LEF1: variants seen among roughly 807,000 people sequenced by gnomAD.
LEF1 encodes the protein lymphoid enhancer binding factor 1.
A neutral mutation model predicts 51.2 loss-of-function variants in LEF1; 14 were observed. The ratio of observed to expected loss-of-function variants is 0.27; its 90% CI spans 0.18 to 0.43. LEF1 has a LOEUF of 0.43. Ranked by LOEUF, LEF1 falls within the 20% of genes least tolerant of loss-of-function variation. The pLI, the probability that LEF1 is intolerant of heterozygous loss-of-function variation, is 1.00. For missense variants in LEF1, 386 were observed against 512.0 expected, an observed-to-expected ratio of 0.75 and a Z score of 2.37; for synonymous variants, 185 against 183.2, an observed-to-expected ratio of 1.01 and a Z score of -0.08.
intron 3 of LEF1, among the ~76,000 whole-genome samples, chr4:108,159,921 TAGAA>T (rs960166988): frequency 1.3e-5 from 2 of 152,192 alleles, no homozygotes; most frequent in African/African-American, 2.4e-5. Flanking sequence ...AATTGACTCT[TAGAA>T]AGATCACAAA....
At chr4:108,112,230 G>A (rs947580559) in intron 3 of LEF1, among the ~76,000 whole-genome samples, 3 of 152,192 alleles carry the variant, frequency 2.0e-5, no homozygotes, top group Non-Finnish European at 2.9e-5. Flanking sequence ...GATGGTTTTC[G>A]TGTGGTCAGA....
At chr4:108,122,428 C>A (rs549429295) in intron 3 of LEF1, among the ~76,000 whole-genome samples, 53 of 151,862 alleles carry the variant, frequency 3.5e-4, no homozygotes, top group African/African-American at 1.2e-3. Flanking sequence ...TTCTTCAGAT[C>A]CCTCGTTTCA....
chr4:108,077,890 AT>A lies in LEF1; in HGVS notation c.1008+329del, dbSNP rs796089476. 5.3e-5 allele frequency among the ~76,000 whole-genome samples: 8 copies of A among 152,290 alleles called. 1 individual carries two copies. The highest frequency in any genetic ancestry group is 1.7e-4 in the African/African-American group (7 of 41,568). The stretch of plus-strand genomic sequence containing the variant: ...AAAAGTTTTAAATTGGAAAAAAAAA[AT>A]TAGCCAGGCATGGTGGCACAACGAC... On this transcript the variant is annotated intron_variant, in intron 8 of 11. Coordinates refer to ENST00000265165, the MANE Select transcript of LEF1 (RefSeq NM_016269.5).
intron 3 of LEF1, among the ~76,000 whole-genome samples, chr4:108,105,199 G>A (rs893911034): frequency 2.3e-5 from 1 of 43,716 alleles, no homozygotes; most frequent in Admixed American, 2.3e-4. Flanking sequence ...TTTTTTTTTT[G>A]AGATGGAGTC....
At chr4:108,083,489 A>T (rs1344479816) in intron 4 of LEF1, 43 bp from the exon 5 acceptor site, 2 of 1,295,954 alleles carry the variant, frequency 1.5e-6, no homozygotes, top group Admixed American at 2.0e-5. Flanking sequence ...GATTCACAGG[A>T]TATTTAACCA....
chr4:108,131,548 C>T (rs186991395), intron 3 of LEF1, among the ~76,000 whole-genome samples: 2 of 152,250 alleles, frequency 1.3e-5, no homozygotes, highest in Non-Finnish European at 2.9e-5. Flanking sequence ...ACTCAAGCAA[C>T]AGCATCAAAG....
chr4:108,089,386 G>C (rs1244463593), intron 3 of LEF1, 129 bp from the exon 4 acceptor site: 5 of 908,418 alleles, frequency 5.5e-6, no homozygotes, highest in Non-Finnish European at 8.1e-6. Flanking sequence ...TTCAGACCTG[G>C]ACAGGTGGAA....
At chr4:108,092,929 A>AAC (rs1553952178) in intron 3 of LEF1, among the ~76,000 whole-genome samples, 2 of 140,792 alleles carry the variant, frequency 1.4e-5, no homozygotes, top group African/African-American at 5.2e-5. Context: ...AAAAAAAAAA[A>AAC]AAAAAAAAAA....
chr4:108,079,787 T>C (rs1447179312), intron 6 of LEF1, among the ~76,000 whole-genome samples, 173 bp from the exon 7 acceptor site: 2 of 152,082 alleles, frequency 1.3e-5, no homozygotes, highest in East Asian at 1.9e-4. Flanking sequence ...TTTCTTTCTA[T>C]ATTCGGGTGG....
chr4:108,151,026 C>T (rs984955983), intron 3 of LEF1, among the ~76,000 whole-genome samples: 8 of 152,214 alleles, frequency 5.3e-5, no homozygotes, highest in Non-Finnish European at 8.8e-5. Flanking sequence ...CAAAAAGATG[C>T]CCATAATGTA....
chr4:108,142,977 A>G (rs1743767397), intron 3 of LEF1, among the ~76,000 whole-genome samples: 1 of 152,236 alleles, frequency 6.6e-6, no homozygotes, highest in Non-Finnish European at 1.5e-5. Context: ...CCAAGTCTAC[A>G]AAGTTCTAAA....
intron 3 of LEF1, among the ~76,000 whole-genome samples, chr4:108,127,412 T>C (rs766023386): frequency 6.6e-6 from 1 of 152,206 alleles, no homozygotes; most frequent in Non-Finnish European, 1.5e-5. Flanking sequence ...TCACTGAAGC[T>C]GAATCTCATG....
intron 3 of LEF1, among the ~76,000 whole-genome samples, chr4:108,091,187 T>C (rs1739994179): frequency 6.6e-6 from 1 of 152,118 alleles, no homozygotes; most frequent in African/African-American, 2.4e-5. Flanking sequence ...AACTGCACAA[T>C]GTGAACTGCT....
intron 3 of LEF1, among the ~76,000 whole-genome samples, chr4:108,109,244 G>A (rs1279397150): frequency 6.6e-6 from 1 of 152,214 alleles, no homozygotes; most frequent in East Asian, 1.9e-4. Context: ...TTTTTAGCCT[G>A]AGCACTTCCT....
intron 3 of LEF1, among the ~76,000 whole-genome samples, chr4:108,134,352 C>T (rs761975644): frequency 7.9e-5 from 12 of 152,330 alleles, no homozygotes; most frequent in Middle Eastern, 3.4e-3. Flanking sequence ...TGCCTCCACA[C>T]GTCATACTTC....
Position 108,093,432 on chromosome 4 carries a change from A to C in LEF1, c.415-4175T>G, listed in dbSNP as rs546937050. ...GGGAGGGAAGGAGGGAGAGAGGGTA[A>C]AAATCACCTGCTTTTTGATTCACAG... On this transcript the variant is annotated intron_variant, in intron 3 of 11. Coordinates refer to ENST00000265165, the MANE Select transcript of LEF1 (RefSeq NM_016269.5). Among the ~76,000 whole-genome samples the C allele has an allele frequency of 3.3e-5, 5 of 152,276 alleles. No individual in the cohort carries two copies. In the East Asian group the frequency reaches 9.6e-4, roughly 29 times the overall value.
rs778858247 is a variant in LEF1 at position 108,048,652 on chromosome 4, C to T, written c.*106G>A. On this transcript the variant is annotated 3_prime_UTR_variant, in exon 12 of 12. Coordinates refer to ENST00000265165, the MANE Select transcript of LEF1 (RefSeq NM_016269.5). ...TTCCTTTGGGGTCGACTGGGCAGGC[C>T]GTGGAGACAGTCTGGGTTTTCAACA... The T allele has an allele frequency of 1.7e-5, 27 of 1,557,386 alleles. No individual in the cohort carries two copies. The highest frequency in any genetic ancestry group is 9.6e-5 in the South Asian group (8 of 83,190).
At chr4:108,164,406 T>C (rs529846649) in intron 2 of LEF1, among the ~76,000 whole-genome samples, 5 of 152,190 alleles carry the variant, frequency 3.3e-5, no homozygotes, top group Non-Finnish European at 7.4e-5. Context: ...GTAAAAACAC[T>C]TCATTTCAGT....
intron 6 of LEF1, among the ~76,000 whole-genome samples, chr4:108,081,360 G>A (rs1342174243): frequency 6.6e-6 from 1 of 152,130 alleles, no homozygotes; most frequent in African/African-American, 2.4e-5. Context: ...CAAGGAGGCT[G>A]AGTCCATCGC....
Sources: gnomAD v4.1 joint callset for allele counts (sites outside exome capture counted in the v4.1 genomes callset) on GRCh38, gnomAD v4.1.1 for gene constraint, MANE v1.5 for transcripts, NCBI Gene and HGNC (gene_info 2026-07-23, HGNC 2026-07-21) for gene names.